Variants in RBM47 observed in about 807,000 individuals in gnomAD.
RBM47 encodes the protein RNA binding motif protein 47, also known as RNA-binding protein 47.
A neutral mutation model predicts 47.1 loss-of-function variants in RBM47; 21 were observed. The observed-to-expected ratio is 0.45, with a 90% confidence interval of 0.32 to 0.64. The LOEUF is 0.64. RBM47 is among the 30% of genes least tolerant of loss of function. RBM47 has a pLI of 0.05. For synonymous variants in RBM47, 375 were observed against 361.7 expected, an observed-to-expected ratio of 1.04 and a Z score of -0.42; for missense variants, 708 against 870.9, an observed-to-expected ratio of 0.81 and a Z score of 2.35.
At chr4:40,614,476 G>A (rs996201075) in intron 1 of RBM47, among the ~76,000 whole-genome samples, 3 of 152,160 alleles carry the variant, frequency 2.0e-5, no homozygotes, top group African/African-American at 4.8e-5. Context: ...AACAGATCTT[G>A]TAGAAGACTG....
At chr4:40,620,798 T>C (rs1056313485) in intron 1 of RBM47, among the ~76,000 whole-genome samples, 39 of 152,146 alleles carry the variant, frequency 2.6e-4, no homozygotes, top group African/African-American at 8.9e-4. Context: ...TCTCCCAAAG[T>C]GCTGGGATTA....
intron 1 of RBM47, among the ~76,000 whole-genome samples, chr4:40,545,205 C>T (rs1005259195): frequency 6.6e-6 from 1 of 151,394 alleles, no homozygotes; most frequent in African/African-American, 2.4e-5. Context: ...GCATGCCCCA[C>T]CATGCCCAGC....
chr4:40,611,878 C>A (rs13101540), intron 1 of RBM47, among the ~76,000 whole-genome samples: 34,366 of 152,028 alleles, frequency 0.23, 3,983 homozygotes, highest in Admixed American at 0.3. Flanking sequence ...TCCAAGATAT[C>A]ATTGATTATA....
intron 3 of RBM47, among the ~76,000 whole-genome samples, chr4:40,449,292 T>C (rs1715039446): frequency 6.6e-6 from 1 of 152,192 alleles, no homozygotes; most frequent in Non-Finnish European, 1.5e-5. Context: ...TGACTCTCCT[T>C]TCTTTAGGTA....
intron 1 of RBM47, among the ~76,000 whole-genome samples, chr4:40,626,066 TTATG>T (rs748676483): frequency 6.6e-6 from 1 of 152,214 alleles, no homozygotes; most frequent in Admixed American, 6.5e-5. Context: ...ATCAGCTTAT[TTATG>T]TATTTTACTT....
At position 40,535,504 on chromosome 4, in the gene RBM47, C is replaced by T. The variant is rs546067061; in HGVS notation, c.-155+8918G>A. On this transcript the variant is annotated intron_variant, in intron 2 of 6. Coordinates refer to ENST00000295971, the MANE Select transcript of RBM47 (RefSeq NM_001098634.2). ...CTCCTGCCTCAGCCTCCTGAGTAGC[C>T]GGGATTACAGGTGCCCACCACCACG... Among the ~76,000 whole-genome samples, 14 of 149,156 alleles carry T rather than the reference C, an allele frequency of 9.4e-5. No homozygotes were observed. In the South Asian group the frequency reaches 2.6e-3, roughly 27 times the overall value.
At chr4:40,603,413 G>A (rs757150348) in intron 1 of RBM47, among the ~76,000 whole-genome samples, 14 of 152,176 alleles carry the variant, frequency 9.2e-5, no homozygotes, top group African/African-American at 3.1e-4. Context: ...TAAGGGCATT[G>A]TTAAACTTTT....
chr4:40,560,794 G>A (rs541841150), intron 1 of RBM47, among the ~76,000 whole-genome samples: 58 of 152,098 alleles, frequency 3.8e-4, no homozygotes, highest in East Asian at 1.4e-3. Context: ...GTGAAACCCC[G>A]TTTCTACTAA....
At chr4:40,555,064 T>G (rs1729947173) in intron 1 of RBM47, among the ~76,000 whole-genome samples, 1 of 152,164 alleles carries the variant, frequency 6.6e-6, no homozygotes, top group Non-Finnish European at 1.5e-5. Flanking sequence ...GCCTTCCCAG[T>G]AGCTGGGATT....
chr4:40,531,890 A>AG (rs1284231033), intron 2 of RBM47, among the ~76,000 whole-genome samples: 2 of 152,124 alleles, frequency 1.3e-5, no homozygotes, highest in African/African-American at 4.8e-5. Context: ...TAAGTGAGGC[A>AG]GGGGGGTGAG....
At chr4:40,489,357 T>C (rs138144852) in intron 2 of RBM47, among the ~76,000 whole-genome samples, 172 of 152,192 alleles carry the variant, frequency 1.1e-3, no homozygotes, top group African/African-American at 3.9e-3. Context: ...ATACGGACTA[T>C]AAAAACAAAA....
At chr4:40,504,778 A>G (rs1723867453) in intron 2 of RBM47, among the ~76,000 whole-genome samples, 2 of 152,178 alleles carry the variant, frequency 1.3e-5, no homozygotes, top group African/African-American at 4.8e-5. Flanking sequence ...CCCACCAAAA[A>G]TTATCACCAT....
At position 40,578,277 on chromosome 4, in the gene RBM47, C is replaced by G. The variant is rs759396281; in HGVS notation, c.-239-33771G>C. Among the ~76,000 whole-genome samples the G allele has an allele frequency of 3.3e-4, 48 of 146,074 alleles. No homozygotes were observed. The Middle Eastern group carries it at 0.01, about 32-fold the overall frequency. Reference sequence around the variant, plus strand: ...TGTTCTGTCTCCTGTTGTCCCATTCCTTACAAAAAAAGTATCTTTGAAACA... The same window carrying G: ...TGTTCTGTCTCCTGTTGTCCCATTCGTTACAAAAAAAGTATCTTTGAAACA... On this transcript the variant is annotated intron_variant, in intron 1 of 6. Transcript: ENST00000295971.
intron 1 of RBM47, among the ~76,000 whole-genome samples, chr4:40,604,535 G>A (rs1193144331): frequency 6.6e-6 from 1 of 152,162 alleles, no homozygotes. Flanking sequence ...GCTGAGGAGG[G>A]AGGATTGCTT....
intron 1 of RBM47, among the ~76,000 whole-genome samples, chr4:40,577,023 A>C (rs1732401324): frequency 1.3e-5 from 2 of 152,278 alleles, no homozygotes; most frequent in Middle Eastern, 3.4e-3. Context: ...AGGAGAAAAA[A>C]AGGAGTTGCT....
intron 1 of RBM47, among the ~76,000 whole-genome samples, chr4:40,559,771 A>T (rs1730433831): frequency 6.6e-6 from 1 of 152,158 alleles, no homozygotes; most frequent in South Asian, 2.1e-4. Flanking sequence ...GAGGGTAGAA[A>T]GAACACTTGT....
At chr4:40,531,031 A>G (rs1577896663) in intron 2 of RBM47, among the ~76,000 whole-genome samples, 1 of 152,190 alleles carries the variant, frequency 6.6e-6, no homozygotes, top group East Asian at 1.9e-4. Flanking sequence ...CCCTGGAGGT[A>G]GAAGCTACAG....
Position 40,432,190 on chromosome 4 carries a change from C to G in RBM47, c.1542+461G>C, listed in dbSNP as rs555538585. On this transcript the variant is annotated intron_variant, in intron 6 of 6. Coordinates refer to ENST00000295971, the MANE Select transcript of RBM47 (RefSeq NM_001098634.2). ...GTATCTATACAGATGTTCTTTCTCT[C>G]TCTCTCTCTCTTTACACACACACAC... Among the ~76,000 whole-genome samples the G allele has an allele frequency of 2.0e-5, 3 of 146,526 alleles. No individual in the cohort carries two copies. In the East Asian group the frequency reaches 6.0e-4, roughly 29 times the overall value.
chr4:40,519,712 C>T (rs1298909908), intron 2 of RBM47, among the ~76,000 whole-genome samples: 1 of 140,516 alleles, frequency 7.1e-6, no homozygotes, highest in Non-Finnish European at 1.5e-5. Flanking sequence ...TATTGTTGCC[C>T]AGGCTGGAGT....
Sources: gnomAD v4.1 joint callset for allele counts (sites outside exome capture counted in the v4.1 genomes callset) on GRCh38, gnomAD v4.1.1 for gene constraint, MANE v1.5 for transcripts, NCBI Gene and HGNC (gene_info 2026-07-23, HGNC 2026-07-21) for gene names.